Variants in PPIL4 observed in about 807,000 individuals in gnomAD.
The protein encoded by PPIL4 is peptidyl-prolyl cis-trans isomerase-like 4.
Under a neutral mutation model 69.1 loss-of-function variants are expected in PPIL4, and 50 were observed. The ratio of observed to expected loss-of-function variants is 0.72; its 90% CI spans 0.58 to 0.92. The LOEUF (loss-of-function observed/expected upper bound fraction) is 0.92, where lower values mean the gene tolerates loss of function less well. Among genes scored for constraint, PPIL4 ranks in the 40% least tolerant of loss-of-function variants. The probability of loss-of-function intolerance (pLI) is 0.00; values close to 1 mark genes in which losing one functional copy is unlikely to be tolerated. For synonymous variants in PPIL4, 193 were observed against 191.6 expected (o/e 1.01, Z -0.06); for missense variants, 480 against 587.9 (o/e 0.82, Z 1.90).
Position 149,541,434 on chromosome 6 carries a change from G to A in PPIL4, c.139-3C>T, listed in dbSNP as rs1039311993. On this transcript the variant is annotated splice_polypyrimidine_tract_variant and splice_region_variant and intron_variant, in intron 2 of 12. Coordinates refer to ENST00000253329, the MANE Select transcript of PPIL4 (RefSeq NM_139126.4). ...CCAGTTTGTATGATAAAATCCCTCT[G>A]TAATATGTAGGATTCTTTGTTAATT... is the stretch of plus-strand genomic sequence containing the variant. The A allele has an allele frequency of 1.9e-6, 3 of 1,576,388 alleles. No homozygotes were observed. In the African/African-American group the frequency reaches 4.0e-5, roughly 21 times the overall value.
intron 4 of PPIL4, among the ~76,000 whole-genome samples, chr6:149,538,830 C>G (rs181312614): frequency 6.6e-6 from 1 of 151,622 alleles, no homozygotes; most frequent in African/African-American, 2.4e-5. Flanking sequence ...TAAGGATGAG[C>G]AAACAAAGTG....
chr6:149,540,830 A>T, intron 4 of PPIL4, 112 bp downstream of exon 4: 1 of 538,788 alleles, frequency 1.9e-6, no homozygotes, highest in Non-Finnish European at 3.3e-6. Flanking sequence ...CCTAACACAT[A>T]TTTCTGATTG....
chr6:149,506,294 C>A (rs1776769723), intron 12 of PPIL4, among the ~76,000 whole-genome samples: 1 of 152,044 alleles, frequency 6.6e-6, no homozygotes, highest in East Asian at 1.9e-4. Flanking sequence ...GCCTGACCAA[C>A]ATGGAGAAAC....
chr6:149,528,653 C>T (rs1042313659), intron 7 of PPIL4, among the ~76,000 whole-genome samples: 10 of 152,108 alleles, frequency 6.6e-5, no homozygotes, highest in African/African-American at 1.9e-4. Flanking sequence ...CAAAAGAAAC[C>T]CTCATTCATT....
At chr6:149,510,607 T>C (rs1776828666) in intron 12 of PPIL4, among the ~76,000 whole-genome samples, 1 of 152,068 alleles carries the variant, frequency 6.6e-6, no homozygotes, top group African/African-American at 2.4e-5. Flanking sequence ...CCAGGCATGA[T>C]GGCAGGTGCC....
intron 1 of PPIL4, among the ~76,000 whole-genome samples, chr6:149,542,535 A>G (rs994995547): frequency 4.6e-5 from 7 of 152,208 alleles, no homozygotes; most frequent in Non-Finnish European, 8.8e-5. Flanking sequence ...AAGATATATG[A>G]GGCAATCCCT....
At chr6:149,532,822 A>G (rs1777219725) in intron 7 of PPIL4, among the ~76,000 whole-genome samples, 1 of 152,216 alleles carries the variant, frequency 6.6e-6, no homozygotes, top group African/African-American at 2.4e-5. Context: ...TCTCTATAAA[A>G]TAATAAATAA....
At chr6:149,509,722 G>T (rs17087477) in intron 12 of PPIL4, among the ~76,000 whole-genome samples, 1 of 152,172 alleles carries the variant, frequency 6.6e-6, no homozygotes, top group Non-Finnish European at 1.5e-5. Flanking sequence ...GTAAGAAGAC[G>T]AGCAAAAGTA....
At chr6:149,525,967 C>T (rs11964826) in intron 8 of PPIL4, among the ~76,000 whole-genome samples, 4,202 of 152,150 alleles carry the variant, frequency 0.028, 170 homozygotes, top group African/African-American at 0.095. Flanking sequence ...GGCGTGTTGG[C>T]GCATGCCTGT....
intron 11 of PPIL4, among the ~76,000 whole-genome samples, chr6:149,515,120 G>A (rs1444343553): frequency 3.3e-5 from 5 of 151,794 alleles, no homozygotes; most frequent in Middle Eastern, 3.4e-3. Context: ...TTATAGGCAT[G>A]AGCCACTGCA....
intron 12 of PPIL4, among the ~76,000 whole-genome samples, chr6:149,510,726 G>A (rs1776830240): frequency 6.6e-6 from 1 of 151,908 alleles, no homozygotes; most frequent in South Asian, 2.1e-4. Flanking sequence ...TGGGCAACAA[G>A]AGCAAAACTC....
chr6:149,529,370 A>G (rs1030944055), intron 7 of PPIL4, among the ~76,000 whole-genome samples: 3 of 151,880 alleles, frequency 2.0e-5, no homozygotes, highest in South Asian at 4.2e-4. Flanking sequence ...AGGTAGGAGG[A>G]TTACTTGAGC....
intron 2 of PPIL4, 31 bp from the exon 3 acceptor site, chr6:149,541,462 CAG>C (rs775896665): frequency 6.4e-6 from 10 of 1,552,112 alleles, no homozygotes; most frequent in African/African-American, 5.4e-5. Flanking sequence ...TGTTAATTCA[CAG>C]AGTTTGTTAG....
rs138121600 is a variant in PPIL4, at chr6:149,519,748, CTAAA to C, written c.982+1308_982+1311del. ...CACCAAACAATTCAGCAATTCACAACTAAATAGTGTTTTTCTTTCTTACTAAAAA... is the reference window on the plus strand; with the variant it reads ...CACCAAACAATTCAGCAATTCACAACTAGTGTTTTTCTTTCTTACTAAAAA... On this transcript the variant is annotated intron_variant, in intron 10 of 12. Transcript: ENST00000253329. Among the ~76,000 whole-genome samples, 797 of 152,228 alleles carry C rather than the reference CTAAA, an allele frequency of 5.2e-3. 5 individuals carry two copies. The highest frequency in any genetic ancestry group is 0.017 in the African/African-American group (725 of 41,514).
intron 1 of PPIL4, among the ~76,000 whole-genome samples, chr6:149,542,468 G>A (rs1274708352): frequency 2.0e-5 from 3 of 152,110 alleles, no homozygotes; most frequent in Non-Finnish European, 4.4e-5. Context: ...CAGTCTAGTC[G>A]TGGAAAGACA....
At chr6:149,519,159 G>T (rs2115031016) in intron 10 of PPIL4, among the ~76,000 whole-genome samples, 1 of 152,286 alleles carries the variant, frequency 6.6e-6, no homozygotes, top group Admixed American at 6.5e-5. Flanking sequence ...GGGTGGATGG[G>T]TTGAGAAGAA....
chr6:149,529,473 TA>T (rs1056040257), intron 7 of PPIL4, among the ~76,000 whole-genome samples: 2 of 149,858 alleles, frequency 1.3e-5, no homozygotes. Context: ...TAAAAAAAAT[TA>T]AAAAAAGGGC....
At chr6:149,545,280 A>AC (rs998193766) in intron 1 of PPIL4, among the ~76,000 whole-genome samples, 6 of 151,938 alleles carry the variant, frequency 3.9e-5, no homozygotes, top group Non-Finnish European at 8.8e-5. Flanking sequence ...GCTTCTTCCC[A>AC]CCCCCCACCA....
At chr6:149,508,766 C>A (rs911115901) in intron 12 of PPIL4, among the ~76,000 whole-genome samples, 1 of 152,142 alleles carries the variant, frequency 6.6e-6, no homozygotes, top group Admixed American at 6.5e-5. Flanking sequence ...CAAAAACCAT[C>A]TCTGGAATTA....
Sources: allele counts gnomAD v4.1 joint callset (sites outside exome capture counted in the v4.1 genomes callset), GRCh38; gene constraint gnomAD v4.1.1; transcripts MANE v1.5; gene names NCBI Gene and HGNC (gene_info 2026-07-23, HGNC 2026-07-21).